Variants in KCNN3 observed in about 807,000 individuals in gnomAD.
KCNN3 encodes potassium calcium-activated channel subfamily N member 3.
A neutral mutation model predicts 62.9 loss-of-function variants in KCNN3; 16 were observed. The observed-to-expected ratio is 0.25, with a 90% CI of 0.17 to 0.39. KCNN3 has a LOEUF of 0.39. Ranked by LOEUF, KCNN3 falls within the 10% of genes least tolerant of loss-of-function variation. The pLI is 1.00. For synonymous variants in KCNN3, 370 were observed against 389.2 expected, an observed-to-expected ratio of 0.95 and a Z score of 0.58; for missense variants, 599 against 949.4, an observed-to-expected ratio of 0.63 and a Z score of 4.85.
chr1:154,861,941 C>A (rs972286722), intron 1 of KCNN3, among the ~76,000 whole-genome samples: 2 of 152,210 alleles, frequency 1.3e-5, no homozygotes, highest in Admixed American at 6.5e-5. Flanking sequence ...GAAGCACCTC[C>A]TGAGGGGCTC....
rs1699806517 is a variant in KCNN3 at position 154,699,397 on chromosome 1, G to A, written c.*8579C>T. ...GTATATATTATATATGAATGTGCGG[G>A]TATATGTGTGTGCACCTATGTATGT... is the stretch of plus-strand genomic sequence containing the variant. On this transcript the variant is annotated 3_prime_UTR_variant, in exon 8 of 8. Transcript: ENST00000271915. 3 of 152,016 alleles carry A rather than the reference G, an allele frequency of 2.0e-5. No individual in the cohort carries two copies. The South Asian group carries it at 6.2e-4, about 32-fold the overall frequency. 9.4% of individuals were successfully genotyped at this position (152,016 alleles called of 1,614,324 possible).
At chr1:154,823,776 T>A (rs1055533475) in intron 1 of KCNN3, among the ~76,000 whole-genome samples, 1 of 152,164 alleles carries the variant, frequency 6.6e-6, no homozygotes, top group Non-Finnish European at 1.5e-5. Flanking sequence ...GAGACAGCTT[T>A]CAGAGGCAGA....
intron 1 of KCNN3, among the ~76,000 whole-genome samples, chr1:154,837,975 G>T (rs947650148): frequency 6.6e-6 from 1 of 152,342 alleles, no homozygotes; most frequent in African/African-American, 2.4e-5. Flanking sequence ...GGCTGGAAGA[G>T]GAGAAGCCAG....
intron 2 of KCNN3, among the ~76,000 whole-genome samples, chr1:154,800,137 G>T (rs2101872674): frequency 6.6e-6 from 1 of 152,308 alleles, no homozygotes; most frequent in African/African-American, 2.4e-5. Flanking sequence ...TCATTGTGCT[G>T]TTGTGATGAT....
chr1:154,801,475 C>T (rs1557983155), intron 2 of KCNN3, among the ~76,000 whole-genome samples: 1 of 152,158 alleles, frequency 6.6e-6, no homozygotes, highest in Non-Finnish European at 1.5e-5. Context: ...CCATTCTTCC[C>T]CAAGAGCCTA....
intron 1 of KCNN3, among the ~76,000 whole-genome samples, chr1:154,844,874 C>T (rs904490367): frequency 3.3e-5 from 5 of 152,148 alleles, no homozygotes; most frequent in Middle Eastern, 6.8e-3. Context: ...GGCATGGTGG[C>T]GGGCACCTGT....
intron 3 of KCNN3, among the ~76,000 whole-genome samples, chr1:154,734,221 C>A (rs1700661493): frequency 6.6e-6 from 1 of 152,304 alleles, no homozygotes; most frequent in Middle Eastern, 3.4e-3. Flanking sequence ...AAACCGTTCT[C>A]TAATGGGATC....
rs764907068 is a variant in KCNN3, at chr1:154,708,230, G to T, written c.1942C>A (p.Arg648=). ...MYDLITELND[R]SEDLEKQIGS... ...ATCTGCTTCTCCAGGTCTTCGCTCC[G>T]GTCATTGAGTTCTGTGATTAAGTCA... is the stretch of plus-strand genomic sequence containing the variant. The change falls in exon 8 of 8, where the codon CGG becomes AGG. Residue 648 remains arginine (R), a synonymous_variant. Transcript: ENST00000271915. 1.2e-6 allele frequency: 2 copies of T among 1,613,800 alleles called. No individual in the cohort carries two copies. The highest frequency in any genetic ancestry group is 1.7e-6 in the Non-Finnish European group (2 of 1,179,928).
intron 7 of KCNN3, 34 bp downstream of exon 7, chr1:154,713,430 G>A: frequency 6.4e-7 from 1 of 1,557,498 alleles, no homozygotes; most frequent in Non-Finnish European, 8.9e-7. Flanking sequence ...GTGTCTGCGT[G>A]TTCTAGGGGA....
chr1:154,728,869 G>T (rs1320093409), intron 4 of KCNN3, among the ~76,000 whole-genome samples: 1 of 152,188 alleles, frequency 6.6e-6, no homozygotes. Context: ...TGAGCCAGAA[G>T]TCAATGGTCC....
intron 3 of KCNN3, among the ~76,000 whole-genome samples, chr1:154,766,004 T>C (rs1176970953): frequency 6.6e-6 from 1 of 152,066 alleles, no homozygotes; most frequent in Non-Finnish European, 1.5e-5. Flanking sequence ...TTTTCAGGAA[T>C]CTTCAGGATT....
chr1:154,727,354 C>T (rs563320715), intron 4 of KCNN3, among the ~76,000 whole-genome samples: 50 of 152,280 alleles, frequency 3.3e-4, no homozygotes, highest in African/African-American at 1.2e-3. Flanking sequence ...GTGTGAGAAG[C>T]AGAAAAGAAT....
chr1:154,709,201 C>T (rs2101755865), intron 7 of KCNN3, among the ~76,000 whole-genome samples: 1 of 152,308 alleles, frequency 6.6e-6, no homozygotes, highest in South Asian at 2.1e-4. Flanking sequence ...CCAGTCTATG[C>T]AACAGATATT....
chr1:154,816,913 C>T (rs918829100), intron 2 of KCNN3, among the ~76,000 whole-genome samples: 1 of 152,202 alleles, frequency 6.6e-6, no homozygotes, highest in Non-Finnish European at 1.5e-5. Flanking sequence ...TTCCCACCCT[C>T]CATAGTGAAC....
intron 1 of KCNN3, among the ~76,000 whole-genome samples, chr1:154,847,237 C>T (rs1206815987): frequency 1.3e-5 from 2 of 151,806 alleles, no homozygotes; most frequent in African/African-American, 4.8e-5. Flanking sequence ...CTGCACATCT[C>T]TCCAGGCCAC....
intron 5 of KCNN3, among the ~76,000 whole-genome samples, chr1:154,718,583 A>G (rs1480087874): frequency 6.6e-6 from 1 of 152,234 alleles, no homozygotes; most frequent in African/African-American, 2.4e-5. Context: ...ACAATTAATG[A>G]GCACCTATGA....
intron 2 of KCNN3, among the ~76,000 whole-genome samples, chr1:154,813,508 C>G (rs529530921): frequency 3.3e-5 from 5 of 152,112 alleles, no homozygotes; most frequent in Admixed American, 3.3e-4. Context: ...ACGGACTCTT[C>G]CCGAAACCAG....
At chr1:154,828,546 G>T (rs1158475946) in intron 1 of KCNN3, among the ~76,000 whole-genome samples, 1 of 152,116 alleles carries the variant, frequency 6.6e-6, no homozygotes, top group African/African-American at 2.4e-5. Flanking sequence ...AAACCAAAAG[G>T]CCAGAGTTCA....
intron 1 of KCNN3, among the ~76,000 whole-genome samples, chr1:154,826,202 T>C (rs1651123259): frequency 6.6e-6 from 1 of 152,216 alleles, no homozygotes; most frequent in Admixed American, 6.5e-5. Flanking sequence ...TATTTCCAAT[T>C]ATTTCATTTT....
Sources: gnomAD v4.1 joint callset for allele counts (sites outside exome capture counted in the v4.1 genomes callset) on GRCh38, gnomAD v4.1.1 for gene constraint, MANE v1.5 for transcripts, NCBI Gene and HGNC (gene_info 2026-07-23, HGNC 2026-07-21) for gene names.